Variants in CNTNAP2 observed in about 807,000 individuals in gnomAD.
CNTNAP2 encodes contactin associated protein 2, also known as contactin-associated protein-like 2.
CNTNAP2 carries 98 observed loss-of-function variants against 155.2 expected under a neutral mutation model. That is an observed-to-expected ratio of 0.63 (90% CI 0.54 to 0.75). The LOEUF is 0.75. Ranked by LOEUF, CNTNAP2 falls within the 30% of genes least tolerant of loss-of-function variation. The pLI, the probability that CNTNAP2 is intolerant of heterozygous loss-of-function variation, is 0.00. For missense variants in CNTNAP2, 1,727 were observed against 1,688.1 expected, an observed-to-expected ratio of 1.02 and a Z score of -0.40; for synonymous variants, 651 against 631.2, an observed-to-expected ratio of 1.03 and a Z score of -0.47.
chr7:146,365,951 C>T (rs554636070), intron 1 of CNTNAP2, among the ~76,000 whole-genome samples: 1 of 152,166 alleles, frequency 6.6e-6, no homozygotes, highest in Non-Finnish European at 1.5e-5. Context: ...TTATGGTCTA[C>T]ATCAATGCTA....
intron 1 of CNTNAP2, among the ~76,000 whole-genome samples, chr7:146,518,929 G>T (rs1186930063): frequency 6.6e-6 from 1 of 151,900 alleles, no homozygotes; most frequent in Admixed American, 6.6e-5. Flanking sequence ...CTTCTGCATG[G>T]AATGACTTTC....
intron 21 of CNTNAP2, among the ~76,000 whole-genome samples, chr7:148,362,022 A>G (rs1798631445): frequency 6.6e-6 from 1 of 152,150 alleles, no homozygotes; most frequent in Non-Finnish European, 1.5e-5. Flanking sequence ...AGCCTAGCCA[A>G]TACAGTGAAA....
intron 1 of CNTNAP2, among the ~76,000 whole-genome samples, chr7:146,366,732 T>A (rs1795161300): frequency 1.3e-5 from 2 of 152,156 alleles, no homozygotes; most frequent in South Asian, 4.1e-4. Context: ...TGATCTTCAT[T>A]TCAGTCATGC....
intron 1 of CNTNAP2, among the ~76,000 whole-genome samples, chr7:146,356,052 TACACACACACACACACACACACAC>T: frequency 6.9e-6 from 1 of 144,202 alleles, no homozygotes; most frequent in Non-Finnish European, 1.6e-5. Context: ...TACATACGAA[TACACACACACACACACACACACAC>T]ACACACACAC....
intron 1 of CNTNAP2, among the ~76,000 whole-genome samples, chr7:146,716,679 G>C (rs1293049054): frequency 1.3e-5 from 2 of 152,162 alleles, no homozygotes; most frequent in Non-Finnish European, 2.9e-5. Context: ...CCAAGCCCCA[G>C]ATTTCTCATT....
intron 1 of CNTNAP2, among the ~76,000 whole-genome samples, chr7:146,699,768 G>C (rs577137559): frequency 4.1e-4 from 62 of 152,072 alleles, no homozygotes; most frequent in African/African-American, 1.4e-3. Context: ...AGGAATTCGA[G>C]ACCAGCCTGG....
intron 8 of CNTNAP2, among the ~76,000 whole-genome samples, chr7:147,225,826 AGAAG>A (rs1235294246): frequency 1.7e-4 from 21 of 120,734 alleles, no homozygotes; most frequent in Non-Finnish European, 2.1e-4. Flanking sequence ...AAAGAAGGAA[AGAAG>A]GAAGGAAGGA....
intron 12 of CNTNAP2, among the ~76,000 whole-genome samples, chr7:147,614,665 A>G (rs184740339): frequency 4.6e-5 from 7 of 151,798 alleles, no homozygotes; most frequent in Admixed American, 4.6e-4. Context: ...ACCCCAACAT[A>G]ATGTTGACTA....
chr7:146,683,734 C>A (rs563678279), intron 1 of CNTNAP2, among the ~76,000 whole-genome samples: 1 of 152,102 alleles, frequency 6.6e-6, no homozygotes, highest in African/African-American at 2.4e-5. Context: ...ATGAAAATAT[C>A]CTCCTATTAA....
intron 13 of CNTNAP2, among the ~76,000 whole-genome samples, chr7:147,710,024 C>T (rs1333620264): frequency 6.6e-6 from 1 of 152,126 alleles, no homozygotes; most frequent in African/African-American, 2.4e-5. Flanking sequence ...AGATAGGCTA[C>T]AGTTGTACAC....
intron 12 of CNTNAP2, among the ~76,000 whole-genome samples, chr7:147,577,594 G>A (rs1800418846): frequency 6.6e-6 from 1 of 151,814 alleles, no homozygotes; most frequent in African/African-American, 2.4e-5. Flanking sequence ...TATTGGGGTG[G>A]CAGGAGGGGG....
chr7:146,663,312 A>G (rs1800128620), intron 1 of CNTNAP2, among the ~76,000 whole-genome samples: 1 of 149,738 alleles, frequency 6.7e-6, no homozygotes, highest in South Asian at 2.1e-4. Context: ...AGAAAGAAAA[A>G]GAAAGGAAAA....
chr7:146,729,800 C>A (rs1010534609), intron 1 of CNTNAP2, among the ~76,000 whole-genome samples: 2 of 152,050 alleles, frequency 1.3e-5, no homozygotes, highest in Non-Finnish European at 2.9e-5. Context: ...AAGATTTTCA[C>A]CTTGAAAATA....
chr7:146,260,357 A>G (rs1471588475), intron 1 of CNTNAP2, among the ~76,000 whole-genome samples: 3 of 152,210 alleles, frequency 2.0e-5, no homozygotes. Flanking sequence ...TGTGAGAAAA[A>G]GGCCACTGTC....
Position 148,365,794 on chromosome 7 carries a change from A to G in CNTNAP2, c.3476-17855A>G, listed in dbSNP as rs549461039. Among the ~76,000 whole-genome samples the G allele has an allele frequency of 8.9e-4, 87 of 97,974 alleles. 13 individuals carry two copies. Among genetic ancestry groups the G allele is most frequent in the African/African-American group, 3.9e-3 (86 of 22,184 alleles). 64.3% of individuals were successfully genotyped at this position (97,974 alleles called of 152,430 possible). On this transcript the variant is annotated intron_variant, in intron 21 of 23. Transcript: ENST00000361727. ...TATACATGTATGTGTATGCATGTAT[A>G]CATGCATGTGTATGCATGTATACAT...
At chr7:146,616,836 C>G (rs564701981) in intron 1 of CNTNAP2, among the ~76,000 whole-genome samples, 1 of 149,292 alleles carries the variant, frequency 6.7e-6, no homozygotes, top group South Asian at 2.1e-4. Flanking sequence ...GAGTCGAGAT[C>G]TCTACACAAT....
intron 1 of CNTNAP2, among the ~76,000 whole-genome samples, chr7:146,125,777 A>T (rs1357508573): frequency 6.6e-6 from 1 of 152,034 alleles, no homozygotes; most frequent in Non-Finnish European, 1.5e-5. Flanking sequence ...GATTCCAAAG[A>T]CAGGGATGCT....
At chr7:148,414,180 G>A (rs1363875877) in intron 23 of CNTNAP2, among the ~76,000 whole-genome samples, 7 of 141,936 alleles carry the variant, frequency 4.9e-5, no homozygotes, top group Admixed American at 1.6e-4. Flanking sequence ...AGGTTCAAGC[G>A]ATTCTCACGC....
chr7:147,729,440 A>T lies in CNTNAP2; in HGVS notation c.2098+90134A>T, dbSNP rs112071468. Among the ~76,000 whole-genome samples the T allele has an allele frequency of 7.2e-3, 1,084 of 151,076 alleles. 12 individuals are homozygous for T. The highest frequency in any genetic ancestry group is 0.022 in the African/African-American group (921 of 41,202). On this transcript the variant is annotated intron_variant, in intron 13 of 23. Coordinates refer to ENST00000361727, the MANE Select transcript of CNTNAP2 (RefSeq NM_014141.6). ...CGCACACACACACGCACACACACACACACACACAGAGTTGTGAAACTACTA... is the reference window on the plus strand; with the variant it reads ...CGCACACACACACGCACACACACACTCACACACAGAGTTGTGAAACTACTA...
Sources: allele counts gnomAD v4.1 joint callset (sites outside exome capture counted in the v4.1 genomes callset), GRCh38; gene constraint gnomAD v4.1.1; transcripts MANE v1.5; gene names NCBI Gene and HGNC (gene_info 2026-07-23, HGNC 2026-07-21).